Variants in CASK observed in about 807,000 individuals in gnomAD.
CASK encodes peripheral plasma membrane protein CASK.
Under a neutral mutation model 82.9 loss-of-function variants are expected in CASK, and 4 were observed. That is an observed-to-expected ratio of 0.05 (90% CI 0.02 to 0.11). The LOEUF is 0.11. Ranked by LOEUF, CASK falls within the 10% of genes least tolerant of loss-of-function variation. CASK has a pLI of 1.00. For synonymous variants in CASK, 259 were observed against 253.5 expected (o/e 1.02, Z -0.20); for missense variants, 358 against 720.9 (o/e 0.50, Z 5.76).
Position 41,882,987 on chromosome X carries a change from T to C in CASK, c.60-29760A>G, listed in dbSNP as rs183034492. 2.8e-3 allele frequency among the ~76,000 whole-genome samples: 309 copies of C among 111,813 alleles called. 1 individual carries two copies. The highest frequency in any genetic ancestry group is 9.6e-3 in the African/African-American group (295 of 30,824). ...CCCATCAACACTTGGAATATACCTA[T>C]ATCAAGGAAAAGAAAAGACTTTAAG... On this transcript the variant is annotated intron_variant, in intron 1 of 26. Transcript: ENST00000378163.
chrX:41,868,381 T>C (rs1399750265), intron 1 of CASK, among the ~76,000 whole-genome samples: 3 of 111,779 alleles, frequency 2.7e-5, no homozygotes, highest in Admixed American at 9.4e-5. Flanking sequence ...TTGAACTTTT[T>C]AAAGAAAAAA....
chrX:41,841,484 A>G (rs1402966974), intron 2 of CASK, among the ~76,000 whole-genome samples: 2 of 103,649 alleles, frequency 1.9e-5, no homozygotes, highest in Non-Finnish European at 3.9e-5. Flanking sequence ...AGTTCCCCCA[A>G]TGCTGTGTAT....
intron 1 of CASK, among the ~76,000 whole-genome samples, chrX:41,890,038 A>T (rs2072135449): frequency 9.0e-6 from 1 of 111,700 alleles, no homozygotes; most frequent in Non-Finnish European, 1.9e-5. Context: ...TCAAATGCTT[A>T]ATAAACTACT....
intron 5 of CASK, among the ~76,000 whole-genome samples, chrX:41,717,023 A>G (rs1249314277): frequency 9.2e-6 from 1 of 108,930 alleles, no homozygotes; most frequent in Non-Finnish European, 1.9e-5. Context: ...TTAGTCACTC[A>G]CTCTGCAAAT....
At chrX:41,571,733 A>G (rs1410046991) in intron 15 of CASK, among the ~76,000 whole-genome samples, 1 of 112,063 alleles carries the variant, frequency 8.9e-6, no homozygotes, top group African/African-American at 3.2e-5. Context: ...CTTTTAAGGT[A>G]TAAGCTGAAG....
chrX:41,886,138 GC>G (rs2072043987), intron 1 of CASK, among the ~76,000 whole-genome samples: 2 of 111,852 alleles, frequency 1.8e-5, no homozygotes, highest in Admixed American at 1.9e-4. Flanking sequence ...CTCAAGAAGA[GC>G]AGTGAAGTAA....
chrX:41,725,939 ACTCC>A (rs1159773885), intron 5 of CASK, among the ~76,000 whole-genome samples: 1 of 110,961 alleles, frequency 9.0e-6, no homozygotes, highest in Non-Finnish European at 1.9e-5. Context: ...GCAGCCTTGA[ACTCC>A]TAGGCTCAAC....
intron 5 of CASK, among the ~76,000 whole-genome samples, chrX:41,731,641 C>T (rs181319643): frequency 8.9e-6 from 1 of 111,942 alleles, no homozygotes; most frequent in Admixed American, 9.5e-5. Context: ...ATACTCAGCT[C>T]ATTATCATCA....
At chrX:41,745,238 G>A (rs1602560321) in intron 4 of CASK, among the ~76,000 whole-genome samples, 1 of 111,130 alleles carries the variant, frequency 9.0e-6, no homozygotes. Context: ...GGATGATCTC[G>A]ATCTCCTGAC....
intron 3 of CASK, among the ~76,000 whole-genome samples, chrX:41,760,289 T>C (rs1357671568): frequency 8.9e-6 from 1 of 111,868 alleles, no homozygotes; most frequent in Non-Finnish European, 1.9e-5. Context: ...GACCTCCAGA[T>C]ATAAATCACG....
At chrX:41,812,549 G>C (rs1175932086) in intron 2 of CASK, among the ~76,000 whole-genome samples, 1 of 111,442 alleles carries the variant, frequency 9.0e-6, no homozygotes, top group Non-Finnish European at 1.9e-5. Context: ...AGCCCTTCAT[G>C]CTAAAAACTC....
At chrX:41,745,203 A>C (rs775791245) in intron 4 of CASK, among the ~76,000 whole-genome samples, 2 of 111,322 alleles carry the variant, frequency 1.8e-5, no homozygotes, top group South Asian at 7.6e-4. Flanking sequence ...TTTTTAGTAG[A>C]GAAGGAGTTT....
chrX:41,806,399 CTG>C (rs1385548626), intron 2 of CASK, among the ~76,000 whole-genome samples: 1 of 111,935 alleles, frequency 8.9e-6, no homozygotes, highest in Non-Finnish European at 1.9e-5. Flanking sequence ...AATTTTTACT[CTG>C]TTCTCTAAAA....
rs983294391 is a variant in CASK, at chrX:41,840,207, C to G, written c.172+12908G>C. On this transcript the variant is annotated intron_variant, in intron 2 of 26. Coordinates refer to ENST00000378163, the MANE Select transcript of CASK (RefSeq NM_001367721.1). ...TCTTAACAACATTGAGTCTTCTTAT[C>G]CACAAACGTGGAGTATCTATTTATT... 2.7e-5 allele frequency among the ~76,000 whole-genome samples: 3 copies of G among 111,819 alleles called. No homozygotes were observed. The Admixed American group carries it at 2.8e-4, about 11-fold the overall frequency.
chrX:41,702,056 T>C (rs920117202), intron 5 of CASK, among the ~76,000 whole-genome samples: 2 of 103,486 alleles, frequency 1.9e-5, no homozygotes, highest in African/African-American at 7.1e-5. Context: ...TAAAAATTTC[T>C]GCTTACCACT....
At chrX:41,727,910 C>T in intron 5 of CASK, 1 of 1,203,449 alleles carries the variant, frequency 8.3e-7, no homozygotes, top group Non-Finnish European at 1.1e-6. Context: ...AACATTCTCA[C>T]CTGTCTTGCT....
intron 8 of CASK, among the ~76,000 whole-genome samples, chrX:41,641,170 G>C (rs1055863074): frequency 9.1e-6 from 1 of 109,807 alleles, no homozygotes; most frequent in African/African-American, 3.3e-5. Flanking sequence ...ATTTTTAGTA[G>C]AGACGGAGTT....
intron 1 of CASK, among the ~76,000 whole-genome samples, chrX:41,910,819 A>G (rs963416782): frequency 8.9e-6 from 1 of 112,487 alleles, no homozygotes; most frequent in Non-Finnish European, 1.9e-5. Flanking sequence ...TAATGAATAG[A>G]TATTTTCATT....
At chrX:41,810,343 G>T (rs2070244671) in intron 2 of CASK, among the ~76,000 whole-genome samples, 1 of 112,284 alleles carries the variant, frequency 8.9e-6, no homozygotes, top group Non-Finnish European at 1.9e-5. Flanking sequence ...AGAAAGGTCA[G>T]GTTACCCACA....
Sources: gnomAD v4.1 joint callset for allele counts (sites outside exome capture counted in the v4.1 genomes callset) on GRCh38, gnomAD v4.1.1 for gene constraint, MANE v1.5 for transcripts, NCBI Gene and HGNC (gene_info 2026-07-23, HGNC 2026-07-21) for gene names.